Variants in SHISAL1 observed in about 807,000 individuals in gnomAD.
The protein encoded by SHISAL1 is protein shisa-like-1.
A neutral mutation model predicts 22.6 loss-of-function variants in SHISAL1; 9 were observed. The ratio of observed to expected loss-of-function variants is 0.40; its 90% confidence interval spans 0.24 to 0.70. SHISAL1 has a LOEUF of 0.70. Ranked by LOEUF, SHISAL1 falls within the 30% of genes least tolerant of loss-of-function variation. The probability of loss-of-function intolerance (pLI) is 0.39; values close to 1 mark genes in which losing one functional copy is unlikely to be tolerated. For missense variants in SHISAL1, 246 were observed against 270.6 expected, an observed-to-expected ratio of 0.91 and a Z score of 0.64; for synonymous variants, 119 against 115.4, an observed-to-expected ratio of 1.03 and a Z score of -0.20.
chr22:44,291,431 C>T (rs1366391381), intron 3 of SHISAL1, among the ~76,000 whole-genome samples: 1 of 152,208 alleles, frequency 6.6e-6, no homozygotes, highest in African/African-American at 2.4e-5. Context: ...CTCTCTGAGC[C>T]TCAGCCCTAG....
intron 3 of SHISAL1, among the ~76,000 whole-genome samples, chr22:44,288,213 T>C (rs1213926903): frequency 6.6e-6 from 1 of 152,208 alleles, no homozygotes; most frequent in African/African-American, 2.4e-5. Flanking sequence ...ATTAAGAGAC[T>C]TGCCTAAGAG....
chr22:44,287,762 G>A (rs8135873), intron 3 of SHISAL1, among the ~76,000 whole-genome samples: 2,127 of 152,250 alleles, frequency 0.014, 44 homozygotes, highest in African/African-American at 0.049. Flanking sequence ...GTATGCTGGG[G>A]CAGGTGTCCC....
upstream of SHISAL1, among the ~76,000 whole-genome samples, chr22:44,315,475 C>G (rs187734657): frequency 6.6e-6 from 1 of 152,088 alleles, no homozygotes; most frequent in African/African-American, 2.4e-5. Flanking sequence ...AGTAGGGAAT[C>G]GGTGTGAATT....
At chr22:44,281,125 G>C (rs990521228) in intron 4 of SHISAL1, among the ~76,000 whole-genome samples, 4 of 152,110 alleles carry the variant, frequency 2.6e-5, no homozygotes, top group African/African-American at 9.7e-5. Context: ...GTGAGACCTG[G>C]GCTGTCAGGG....
At position 44,285,441 on chromosome 22, in the gene SHISAL1, T is replaced by C; in HGVS notation, c.586A>G (p.Ser196Gly). ...GTAGCCACTCACCAGGCAGACGAAC[T>C]CTGGAAGGTCATCAGCGGTGGGCTG... is the stretch of plus-strand genomic sequence containing the variant. ...AHSPPLMTFQ[S>G]SSA The change falls in exon 4 of 5, where the codon AGT becomes GGT. Residue 196 changes from serine (S) to glycine (G), a missense_variant. Around this residue, in one of 2 missense-constraint regions of SHISAL1, gnomAD observed 136 missense variants for 117.5 expected, o/e 1.16. Transcript: ENST00000381176. The C allele has an allele frequency of 6.2e-7, 1 of 1,614,042 alleles. No homozygotes were observed. Among genetic ancestry groups the C allele is most frequent in the Non-Finnish European group, 8.5e-7 (1 of 1,179,928 alleles).
At chr22:44,288,170 T>G (rs1463128838) in intron 3 of SHISAL1, among the ~76,000 whole-genome samples, 1 of 152,232 alleles carries the variant, frequency 6.6e-6, no homozygotes, top group Non-Finnish European at 1.5e-5. Flanking sequence ...TTGTCATCCC[T>G]GCTTTACGGA....
At chr22:44,326,971 C>T in the SHISAL1 span, among the ~76,000 whole-genome samples, 1 of 152,096 alleles carries the variant, frequency 6.6e-6, no homozygotes, top group Admixed American at 6.5e-5. Flanking sequence ...TGGACAATGT[C>T]CACCATGTCT....
At chr22:44,297,577 C>T (rs1393752389) in intron 2 of SHISAL1, among the ~76,000 whole-genome samples, 10 of 152,246 alleles carry the variant, frequency 6.6e-5, no homozygotes, top group African/African-American at 2.2e-4. Flanking sequence ...CCCCACCTCA[C>T]GGTGGTAGCT....
the SHISAL1 span, among the ~76,000 whole-genome samples, chr22:44,324,430 G>A: frequency 8.5e-5 from 13 of 152,288 alleles, no homozygotes; most frequent in Admixed American, 3.3e-4. Context: ...GGGGTCTGGG[G>A]ATGAGCAGAT....
intron 4 of SHISAL1, among the ~76,000 whole-genome samples, chr22:44,273,695 G>C (rs1365478495): frequency 6.6e-6 from 1 of 152,144 alleles, no homozygotes; most frequent in East Asian, 1.9e-4. Context: ...CTACAAACAT[G>C]ACTTGATTTC....
At chr22:44,268,350 G>A (rs993685363) in intron 4 of SHISAL1, among the ~76,000 whole-genome samples, 2 of 152,160 alleles carry the variant, frequency 1.3e-5, no homozygotes, top group African/African-American at 2.4e-5. Flanking sequence ...TTTTCAAAGC[G>A]TTTTTCAAAT....
intron 4 of SHISAL1, among the ~76,000 whole-genome samples, chr22:44,283,143 C>T (rs776899217): frequency 5.3e-5 from 8 of 152,170 alleles, no homozygotes; most frequent in Non-Finnish European, 7.3e-5. Context: ...GGGAGTGGGA[C>T]GGTGCCCGTG....
intron 4 of SHISAL1, among the ~76,000 whole-genome samples, chr22:44,262,410 AT>A (rs2055131342): frequency 6.6e-6 from 1 of 152,184 alleles, no homozygotes; most frequent in African/African-American, 2.4e-5. Context: ...ATCATGCCTA[AT>A]TCTCATAGCA....
the SHISAL1 span, among the ~76,000 whole-genome samples, chr22:44,319,180 C>A: frequency 6.6e-6 from 1 of 152,246 alleles, no homozygotes. Context: ...AAAGGCCATT[C>A]CTTGAGCACC....
chr22:44,296,789 G>A lies in SHISAL1; in HGVS notation c.164C>T (p.Thr55Ile). 7 of 1,614,040 alleles carry A rather than the reference G, an allele frequency of 4.3e-6. No homozygotes were observed. Among genetic ancestry groups the A allele is most frequent in the Non-Finnish European group, 5.9e-6 (7 of 1,180,014 alleles). ...GTTATGGTGACAACAGAGGATGAAG[G>A]TCTTGTTGTCCGAGAGCCGGGGGCA... ...FHCPRLSDNK[T>I]FILCCHHNNT... The change falls in exon 3 of 5, where the codon ACC becomes ATC. Residue 55 changes from threonine to isoleucine, a missense_variant. Physicochemically the swap from Thr to Ile is moderately conservative, Grantham distance 89. Transcript: ENST00000381176.
At chr22:44,328,191 G>A in the SHISAL1 span, among the ~76,000 whole-genome samples, 1 of 152,200 alleles carries the variant, frequency 6.6e-6, no homozygotes, top group Non-Finnish European at 1.5e-5. Flanking sequence ...CGGGGCCCCT[G>A]CCCCCTCATG....
intron 3 of SHISAL1, among the ~76,000 whole-genome samples, chr22:44,291,154 C>T (rs985644923): frequency 2.0e-5 from 3 of 152,212 alleles, no homozygotes; most frequent in African/African-American, 7.2e-5. Flanking sequence ...GTGGCTTCAC[C>T]ACTGCCTTCT....
At chr22:44,320,164 A>G in the SHISAL1 span, among the ~76,000 whole-genome samples, 2 of 152,050 alleles carry the variant, frequency 1.3e-5, no homozygotes, top group East Asian at 3.9e-4. Context: ...AGGCAGAGAC[A>G]CCTTAACCTT....
rs2054995786 is a variant in SHISAL1 at position 44,245,855 on chromosome 22, C to G, written c.*3830G>C. 1 of 152,234 alleles carries G rather than the reference C, an allele frequency of 6.6e-6. No individual in the cohort carries two copies. Among genetic ancestry groups the G allele is most frequent in the East Asian group, 1.9e-4 (1 of 5,206 alleles). The allele number at this position is 152,234 out of a possible 1,614,324, so 9.4% of individuals were successfully genotyped here. ...TCTTCAGCTCTGGGCCAAAATTTGA[C>G]TGAATCTTTCTGATGATGAGGGGAG... On this transcript the variant is annotated 3_prime_UTR_variant, in exon 5 of 5. Coordinates refer to ENST00000381176, the MANE Select transcript of SHISAL1 (RefSeq NM_001099294.2).
Sources: gnomAD v4.1 joint callset for allele counts (sites outside exome capture counted in the v4.1 genomes callset) on GRCh38, gnomAD v4.1.1 for gene constraint, gnomAD v4.1.1 regional missense constraint, MANE v1.5 for transcripts, NCBI Gene and HGNC (gene_info 2026-07-23, HGNC 2026-07-21) for gene names.